Variants in PTPN11 observed in about 807,000 individuals in gnomAD.
The protein encoded by PTPN11 is protein tyrosine phosphatase non-receptor type 11, also known as tyrosine-protein phosphatase non-receptor type 11.
A neutral mutation model predicts 78.8 loss-of-function variants in PTPN11; 6 were observed. That is an observed-to-expected ratio of 0.08 (90% CI 0.04 to 0.15). The LOEUF (loss-of-function observed/expected upper bound fraction) is 0.15. PTPN11 is among the 10% of genes least tolerant of loss of function. PTPN11 has a pLI of 1.00. For missense variants in PTPN11, 386 were observed against 744.8 expected, an observed-to-expected ratio of 0.52 and a Z score of 5.61; for synonymous variants, 221 against 263.5, an observed-to-expected ratio of 0.84 and a Z score of 1.56.
chr12:112,496,271 T>C (rs1289507983), intron 13 of PTPN11, among the ~76,000 whole-genome samples: 2 of 152,254 alleles, frequency 1.3e-5, no homozygotes, highest in African/African-American at 2.4e-5. Flanking sequence ...CTCTCGTTTC[T>C]GAGTACTTCT....
At chr12:112,451,577 C>T (rs1392579360) in intron 3 of PTPN11, among the ~76,000 whole-genome samples, 1 of 152,146 alleles carries the variant, frequency 6.6e-6, no homozygotes, top group African/African-American at 2.4e-5. Flanking sequence ...GATTCCTGGG[C>T]CTCATTCAGA....
intron 1 of PTPN11, among the ~76,000 whole-genome samples, chr12:112,431,114 C>T (rs1219982951): frequency 6.6e-6 from 1 of 152,184 alleles, no homozygotes; most frequent in African/African-American, 2.4e-5. Context: ...CTGTTGACAC[C>T]ACCCGGGTCA....
chr12:112,493,790 C>T (rs1209902580), intron 13 of PTPN11, among the ~76,000 whole-genome samples: 1 of 152,166 alleles, frequency 6.6e-6, no homozygotes, highest in Non-Finnish European at 1.5e-5. Context: ...ACCAAAGTCT[C>T]CTTGTTTTCC....
At chr12:112,419,585 C>T (rs896867486) in intron 1 of PTPN11, among the ~76,000 whole-genome samples, 4 of 152,366 alleles carry the variant, frequency 2.6e-5, no homozygotes, top group African/African-American at 9.6e-5. Context: ...CACTGTGCCA[C>T]TTTCGTGCAT....
At chr12:112,449,167 G>A (rs1387159234) in intron 2 of PTPN11, among the ~76,000 whole-genome samples, 4 of 150,076 alleles carry the variant, frequency 2.7e-5, no homozygotes, top group East Asian at 2.0e-4. Context: ...GATTACAGAC[G>A]TGAGCCACCA....
chr12:112,427,865 C>G (rs1012222331), intron 1 of PTPN11, among the ~76,000 whole-genome samples: 7 of 152,228 alleles, frequency 4.6e-5, no homozygotes, highest in African/African-American at 1.7e-4. Flanking sequence ...ATCCTCTTGC[C>G]TCAGCCTCCC....
At chr12:112,481,893 C>G (rs993892440) in intron 9 of PTPN11, among the ~76,000 whole-genome samples, 181 bp from the exon 10 acceptor site, 1 of 152,186 alleles carries the variant, frequency 6.6e-6, no homozygotes. Flanking sequence ...CCTGGTCCTC[C>G]GAATGCCTGC....
At chr12:112,486,751 G>T in intron 11 of PTPN11, 122 bp downstream of exon 11, 1 of 1,527,698 alleles carries the variant, frequency 6.5e-7, no homozygotes, top group Non-Finnish European at 8.8e-7. Context: ...TCTGTTTGAG[G>T]CATAGAGCAA....
chr12:112,507,207 A>G lies in PTPN11; in HGVS notation c.*1415A>G, dbSNP rs1169638658. 2 of 152,836 alleles carry G rather than the reference A, an allele frequency of 1.3e-5. No homozygotes were observed. The highest frequency in any genetic ancestry group is 3.7e-4 in the East Asian group (2 of 5,344). The allele number at this position is 152,836 out of a possible 1,614,324, so 9.5% of individuals were successfully genotyped here. A position where few individuals can be genotyped will look rare whatever the true frequency, so the allele number is the denominator to read the frequency against. ...ACCTTGGGAAGCCGAAGCTGCTTAC[A>G]GTAGCTGGGACAAGCTGAAAGTCAG... On this transcript the variant is annotated 3_prime_UTR_variant, in exon 16 of 16. Transcript: ENST00000351677.
chr12:112,484,455 TC>T (rs562630694), intron 10 of PTPN11, among the ~76,000 whole-genome samples: 48 of 151,982 alleles, frequency 3.2e-4, no homozygotes, highest in Middle Eastern at 3.4e-3. Flanking sequence ...AGAGAGACTG[TC>T]CCCAGAGCAC....
At chr12:112,426,298 G>A (rs10129049) in intron 1 of PTPN11, among the ~76,000 whole-genome samples, 6,143 of 151,814 alleles carry the variant, frequency 0.04, 270 homozygotes, top group African/African-American at 0.11. Flanking sequence ...CTCTTGTAGC[G>A]CAGGCTGGAG....
At chr12:112,471,577 T>C (rs555984091) in intron 6 of PTPN11, among the ~76,000 whole-genome samples, 1 of 152,058 alleles carries the variant, frequency 6.6e-6, no homozygotes, top group Non-Finnish European at 1.5e-5. Flanking sequence ...CCAATCCTTG[T>C]TGGGTTTCAT....
At chr12:112,486,122 G>A (rs2038670607) in intron 10 of PTPN11, among the ~76,000 whole-genome samples, 1 of 152,202 alleles carries the variant, frequency 6.6e-6, no homozygotes, top group Non-Finnish European at 1.5e-5. Flanking sequence ...GCTGGGAGGA[G>A]AGACCTGGAT....
intron 7 of PTPN11, among the ~76,000 whole-genome samples, chr12:112,476,304 C>A (rs1164962612): frequency 3.3e-5 from 5 of 151,816 alleles, no homozygotes; most frequent in Admixed American, 3.3e-4. Flanking sequence ...GAGTCTGAAG[C>A]AAAAAAGACA....
chr12:112,430,757 G>A (rs1377536302), intron 1 of PTPN11, among the ~76,000 whole-genome samples: 1 of 151,430 alleles, frequency 6.6e-6, no homozygotes, highest in Non-Finnish European at 1.5e-5. Context: ...TTTTGGTGGA[G>A]ATGCGGTCTT....
chr12:112,427,800 G>A (rs2037644785), intron 1 of PTPN11, among the ~76,000 whole-genome samples: 1 of 151,724 alleles, frequency 6.6e-6, no homozygotes, highest in Non-Finnish European at 1.5e-5. Flanking sequence ...CACCCACACT[G>A]GATTGCAGTG....
chr12:112,430,057 G>C (rs1218775234), intron 1 of PTPN11, among the ~76,000 whole-genome samples: 1 of 151,960 alleles, frequency 6.6e-6, no homozygotes, highest in African/African-American at 2.4e-5. Context: ...GTCTTGCTCT[G>C]TTGCCCAGGC....
chr12:112,434,751 C>T (rs190596079), intron 1 of PTPN11, among the ~76,000 whole-genome samples: 5 of 151,966 alleles, frequency 3.3e-5, no homozygotes, highest in African/African-American at 1.2e-4. Flanking sequence ...CATGAACATA[C>T]GTGTCAGTGT....
Position 112,430,128 on chromosome 12 carries a change from C to G in PTPN11, c.14+11003C>G, listed in dbSNP as rs925388683. Among the ~76,000 whole-genome samples the G allele has an allele frequency of 2.0e-5, 3 of 151,898 alleles. 1 individual carries two copies. The highest frequency in any genetic ancestry group is 2.0e-4 in the Admixed American group (3 of 15,250). ...CTCTGCCTCCTGAGTTCAAGTGATT[C>G]TTGTGCCTCAGCCTCTCAAGTAGCT... On this transcript the variant is annotated intron_variant, in intron 1 of 15. Coordinates refer to ENST00000351677, the MANE Select transcript of PTPN11 (RefSeq NM_002834.5).
Sources: allele counts gnomAD v4.1 joint callset (sites outside exome capture counted in the v4.1 genomes callset), GRCh38; gene constraint gnomAD v4.1.1; transcripts MANE v1.5; gene names NCBI Gene and HGNC (gene_info 2026-07-23, HGNC 2026-07-21).